The following ACTR1A variants were observed in gnomAD, a reference collection of about 807,000 sequenced individuals.
The protein encoded by ACTR1A is alpha-centractin.
ACTR1A carries 10 observed loss-of-function variants against 50.7 expected under a neutral mutation model. That is an observed-to-expected ratio of 0.20 (90% CI 0.12 to 0.33). ACTR1A has a LOEUF of 0.33. ACTR1A is among the 10% of genes least tolerant of loss of function. The pLI, the probability that ACTR1A is intolerant of heterozygous loss-of-function variation, is 1.00. For missense variants in ACTR1A, 253 were observed against 491.7 expected, an observed-to-expected ratio of 0.51 and a Z score of 4.59; for synonymous variants, 177 against 184.2, an observed-to-expected ratio of 0.96 and a Z score of 0.32.
intron 2 of ACTR1A, 121 bp from the exon 3 acceptor site, chr10:102,489,259 G>T (rs769327521): frequency 3.1e-4 from 183 of 587,554 alleles, no homozygotes; most frequent in Non-Finnish European, 4.6e-4. Context: ...TGAAGTCACA[G>T]TTGATTTTGA....
At chr10:102,495,567 TAAA>T (rs996273029) in intron 1 of ACTR1A, among the ~76,000 whole-genome samples, 15 of 127,238 alleles carry the variant, frequency 1.2e-4, no homozygotes, top group African/African-American at 4.3e-4. Flanking sequence ...AGACTCCATC[TAAA>T]AAAAAAAAAA....
chr10:102,484,025 T>C, intron 6 of ACTR1A, 135 bp downstream of exon 6: 1 of 746,398 alleles, frequency 1.3e-6, no homozygotes, highest in Non-Finnish European at 2.2e-6. Context: ...AGGGGAGACC[T>C]GGCTGGGAAG....
At chr10:102,497,946 G>T in intron 1 of ACTR1A, among the ~76,000 whole-genome samples, 1 of 134,354 alleles carries the variant, frequency 7.4e-6, no homozygotes, top group African/African-American at 2.7e-5. Flanking sequence ...AAAAAAAAAG[G>T]CTGAGCAGGT....
chr10:102,484,509 C>T (rs1589960022), intron 5 of ACTR1A, 133 bp from the exon 6 acceptor site: 2 of 763,492 alleles, frequency 2.6e-6, no homozygotes, highest in Non-Finnish European at 4.3e-6. Flanking sequence ...GTAGAATGGA[C>T]TGGGTACTAA....
In ACTR1A at chr10:102,480,059, A is replaced by G. The variant is rs1449060429; in HGVS notation, c.*804T>C. The G allele has an allele frequency of 5.9e-6, 1 of 169,124 alleles. No individual in the cohort carries two copies. The highest frequency in any genetic ancestry group is 2.4e-5 in the African/African-American group (1 of 42,022). The allele number at this position is 169,124 out of a possible 1,614,324, so 10.5% of individuals were successfully genotyped here. ...AGGAGGCAGCAAGCTCCCTCTCTCC[A>G]GCCCCTAACTGAACAAACACTTCAA... On this transcript the variant is annotated 3_prime_UTR_variant, in exon 11 of 11. Transcript: ENST00000369905.
chr10:102,482,050 G>T lies in ACTR1A; in HGVS notation c.876C>A (p.Arg292=). The T allele has an allele frequency of 1.2e-6, 2 of 1,614,202 alleles. No individual in the cohort carries two copies. Among genetic ancestry groups the T allele is most frequent in the East Asian group, 4.5e-5 (2 of 44,880 alleles). The change falls in exon 8 of 11, where the codon CGC becomes CGA. Residue 292 remains arginine (R), a synonymous_variant. Transcript: ENST00000369905. This position sits in a 1 kb window ranked among gnomAD's most constrained non-coding sequence, Gnocchi z 5.6. ...AIQKSDMDLR[R]TLFSNIVLSG... is the part of the protein sequence containing the mutation. ...AGAGGACAATGTTAGAGAAAAGCGT[G>T]CGCCGCAGGTCCATGTCTGACTTCT...
At chr10:102,501,917 C>A (rs2135592768) in intron 1 of ACTR1A, among the ~76,000 whole-genome samples, 1 of 152,356 alleles carries the variant, frequency 6.6e-6, no homozygotes, top group South Asian at 2.1e-4. Flanking sequence ...TCTTCTCGAC[C>A]TTTACCAACT....
rs1381311332 is a variant in ACTR1A, at chr10:102,488,650, G to A, written c.190-375C>T. Among the ~76,000 whole-genome samples the A allele has an allele frequency of 6.6e-6, 1 of 152,198 alleles. No individual in the cohort carries two copies. The highest frequency in any genetic ancestry group is 1.5e-5 in the Non-Finnish European group (1 of 68,040). ...GATGGCAACAGCGATTCTGCTATCT[G>A]CTTACAAGAGGCTGCATGAGGGCTC... On this transcript the variant is annotated intron_variant, in intron 3 of 10. Coordinates refer to ENST00000369905, the MANE Select transcript of ACTR1A (RefSeq NM_005736.4). The surrounding 1 kb of genome is among the most constrained non-coding windows in gnomAD (Gnocchi z 4.4).
rs189346969 is a variant in ACTR1A at position 102,502,229 on chromosome 10, A to T, written c.48+371T>A. ...CGCAGAGGCCTAGCCTCATCCGGCA[A>T]GGCTAAGAGGCGGTATCATTGGCTA... On this transcript the variant is annotated intron_variant, in intron 1 of 10. Transcript: ENST00000369905. Among the ~76,000 whole-genome samples the T allele has an allele frequency of 8.1e-3, 1,238 of 152,308 alleles. 17 individuals carry two copies. The highest frequency in any genetic ancestry group is 0.011 in the Non-Finnish European group (716 of 68,014).
intron 1 of ACTR1A, among the ~76,000 whole-genome samples, chr10:102,496,071 G>A (rs2062220978): frequency 6.6e-6 from 1 of 152,164 alleles, no homozygotes. Context: ...TCAGCCTCCT[G>A]CATAGCTGGG....
At chr10:102,497,865 G>T (rs910052222) in intron 1 of ACTR1A, among the ~76,000 whole-genome samples, 1 of 151,124 alleles carries the variant, frequency 6.6e-6, no homozygotes, top group Non-Finnish European at 1.5e-5. Context: ...AGCTGAGGTG[G>T]GAGGACTGCT....
chr10:102,480,839 A>C lies in ACTR1A; in HGVS notation c.*24T>G. The C allele has an allele frequency of 6.4e-7, 1 of 1,567,046 alleles. No homozygotes were observed. Among genetic ancestry groups the C allele is most frequent in the Non-Finnish European group, 8.8e-7 (1 of 1,137,760 alleles). On this transcript the variant is annotated 3_prime_UTR_variant, in exon 11 of 11. Coordinates refer to ENST00000369905, the MANE Select transcript of ACTR1A (RefSeq NM_005736.4). ...TTTTAAAGTGGAGTTAACTTCAGAG[A>C]GAGGTGAAGATGATGTCCCGACATT...
chr10:102,498,113 T>G (rs983834983), intron 1 of ACTR1A, among the ~76,000 whole-genome samples: 8 of 150,086 alleles, frequency 5.3e-5, no homozygotes, highest in Admixed American at 1.3e-4. Context: ...AAGATAGGGT[T>G]GTGGAGGGGT....
chr10:102,481,950 C>G, intron 8 of ACTR1A, 51 bp downstream of exon 8: 1 of 1,613,758 alleles, frequency 6.2e-7, no homozygotes. Flanking sequence ...TGCCTGGAGC[C>G]AGCAGGAGCT....
chr10:102,479,800 C>T lies in ACTR1A; in HGVS notation c.*1063G>A, dbSNP rs1023925568. 1.2e-5 allele frequency: 8 copies of T among 690,350 alleles called. No individual in the cohort carries two copies. Among genetic ancestry groups the T allele is most frequent in the Non-Finnish European group, 1.6e-5 (8 of 488,864 alleles). 42.8% of individuals were successfully genotyped at this position (690,350 alleles called of 1,614,324 possible). A position where few individuals can be genotyped will look rare whatever the true frequency, so the allele number is the denominator to read the frequency against. ...CCCCTCCCTTGCTTAGGGGCCTCTG[C>T]CAAAGAAAAATTTTACCTCCTGTTT... is the stretch of plus-strand genomic sequence containing the variant. On this transcript the variant is annotated 3_prime_UTR_variant, in exon 11 of 11. Coordinates refer to ENST00000369905, the MANE Select transcript of ACTR1A (RefSeq NM_005736.4). The surrounding 1 kb of genome is among the most constrained non-coding windows in gnomAD (Gnocchi z 4.0).
In ACTR1A at chr10:102,482,737, G is replaced by A. The variant is rs2062149880; in HGVS notation, c.750+274C>T. The stretch of plus-strand genomic sequence containing the variant: ...CCACATTGGAAGAAGAATTGTCTTG[G>A]GCCACACATAATATACACTAACACT... On this transcript the variant is annotated intron_variant, in intron 7 of 10. Coordinates refer to ENST00000369905, the MANE Select transcript of ACTR1A (RefSeq NM_005736.4). This position sits in a 1 kb window ranked among gnomAD's most constrained non-coding sequence, Gnocchi z 5.6. 4.6e-6 allele frequency: 2 copies of A among 433,374 alleles called. No individual in the cohort carries two copies. Among genetic ancestry groups the A allele is most frequent in the Non-Finnish European group, 8.4e-6 (2 of 239,460 alleles). The allele number at this position is 433,374 out of a possible 1,614,324, so 26.8% of individuals were successfully genotyped here.
chr10:102,481,968 T>G, intron 8 of ACTR1A, 33 bp downstream of exon 8: 1 of 1,613,896 alleles, frequency 6.2e-7, no homozygotes, highest in Non-Finnish European at 8.5e-7. Context: ...GCTGAACACT[T>G]CCAGGGGAAG....
intron 1 of ACTR1A, among the ~76,000 whole-genome samples, chr10:102,497,650 C>G (rs1295731683): frequency 7.6e-6 from 1 of 131,152 alleles, no homozygotes; most frequent in East Asian, 2.1e-4. Context: ...GAAAGGAGCA[C>G]AATTTTTTTT....
chr10:102,493,240 GGCTCTGA>G (rs1250292787), intron 1 of ACTR1A, among the ~76,000 whole-genome samples: 1 of 152,120 alleles, frequency 6.6e-6, no homozygotes, highest in Non-Finnish European at 1.5e-5. Flanking sequence ...CAAACCCAAG[GGCTCTGA>G]GAGCAAGGCA....
Sources: allele counts gnomAD v4.1 joint callset (sites outside exome capture counted in the v4.1 genomes callset), GRCh38; gene constraint gnomAD v4.1.1; non-coding constraint Gnocchi (gnomAD v3.1); transcripts MANE v1.5; gene names NCBI Gene and HGNC (gene_info 2026-07-23, HGNC 2026-07-21).